TTC28: variants seen among roughly 807,000 people sequenced by gnomAD.
The protein encoded by TTC28 is tetratricopeptide repeat domain 28.
TTC28 carries 61 observed loss-of-function variants against 198.0 expected under a neutral mutation model. The observed-to-expected ratio is 0.31, with a 90% CI of 0.25 to 0.38. The LOEUF is 0.38. Ranked by LOEUF, TTC28 falls within the 10% of genes least tolerant of loss-of-function variation. The probability of loss-of-function intolerance (pLI) is 1.00; values close to 1 mark genes in which losing one functional copy is unlikely to be tolerated. For missense variants in TTC28, 2,678 were observed against 3,164.0 expected (o/e 0.85, Z 3.69); for synonymous variants, 1,171 against 1,297.8 (o/e 0.90, Z 2.10).
intron 2 of TTC28, among the ~76,000 whole-genome samples, chr22:28,311,419 C>T (rs1012502315): frequency 2.0e-5 from 3 of 152,162 alleles, no homozygotes; most frequent in African/African-American, 7.2e-5. Context: ...TGTATGTATA[C>T]AAAACAACTT....
chr22:28,339,901 C>A (rs11913617), intron 2 of TTC28, among the ~76,000 whole-genome samples: 24 of 152,276 alleles, frequency 1.6e-4, no homozygotes, highest in African/African-American at 5.8e-4. Flanking sequence ...CACTGTCCTG[C>A]ACCCACTGTC....
chr22:28,387,189 C>T (rs2046620327), intron 2 of TTC28, among the ~76,000 whole-genome samples: 1 of 152,324 alleles, frequency 6.6e-6, no homozygotes, highest in East Asian at 1.9e-4. Context: ...TTTTTTATGG[C>T]TGCATAGTAT....
rs560172443 is a variant in TTC28, at chr22:28,025,610, G to A, written c.4073+4616C>T. On this transcript the variant is annotated intron_variant, in intron 13 of 22. Transcript: ENST00000397906. ...AAAAAACCACAGCCTGGCCAGGTAC[G>A]GAGACTCACAAGGATCCCAGCATTT... Among the ~76,000 whole-genome samples, 12 of 152,310 alleles carry A rather than the reference G, an allele frequency of 7.9e-5. 1 individual carries two copies. The South Asian group carries it at 2.3e-3, about 29-fold the overall frequency.
intron 6 of TTC28, among the ~76,000 whole-genome samples, chr22:28,161,525 G>A (rs1000307473): frequency 2.0e-5 from 3 of 152,054 alleles, no homozygotes; most frequent in Admixed American, 2.0e-4. Context: ...GGCATGCACT[G>A]CATCTATGGT....
At chr22:28,149,453 A>C (rs1286864533) in intron 6 of TTC28, among the ~76,000 whole-genome samples, 3 of 152,274 alleles carry the variant, frequency 2.0e-5, no homozygotes, top group Non-Finnish European at 1.5e-5. Context: ...ACTTAAGACA[A>C]TATGGATGAA....
At chr22:28,657,211 A>G (rs1015267036) in intron 1 of TTC28, among the ~76,000 whole-genome samples, 9 of 152,200 alleles carry the variant, frequency 5.9e-5, no homozygotes, top group African/African-American at 1.9e-4. Context: ...CTAGGGAGTC[A>G]GACTCCAGAG....
At chr22:28,255,508 C>G (rs745974415) in intron 5 of TTC28, among the ~76,000 whole-genome samples, 8 of 151,958 alleles carry the variant, frequency 5.3e-5, no homozygotes, top group Admixed American at 3.3e-4. Flanking sequence ...GTGGTAAAAC[C>G]CTGTCTCTGC....
intron 13 of TTC28, 30 bp downstream of exon 13, chr22:28,030,196 C>CT: frequency 1.3e-6 from 2 of 1,550,714 alleles, no homozygotes; most frequent in Non-Finnish European, 1.7e-6. Flanking sequence ...CTGCCCTGCA[C>CT]TGGGCCTGGG....
intron 6 of TTC28, among the ~76,000 whole-genome samples, chr22:28,109,754 C>G (rs936830954): frequency 2.0e-5 from 3 of 152,216 alleles, no homozygotes; most frequent in African/African-American, 7.2e-5. Context: ...TGGAGAGAAG[C>G]TAGTATGCAA....
intron 12 of TTC28, among the ~76,000 whole-genome samples, chr22:28,072,445 A>G (rs963435630): frequency 2.0e-5 from 3 of 152,158 alleles, no homozygotes; most frequent in African/African-American, 7.2e-5. Context: ...ACTAAGTTCA[A>G]TTGTCCATCT....
chr22:28,014,161 G>T, intron 14 of TTC28, 87 bp downstream of exon 14: 4 of 1,420,726 alleles, frequency 2.8e-6, no homozygotes, highest in Non-Finnish European at 3.7e-6. Context: ...AGCCCATTTT[G>T]GTGTCTAAGA....
In TTC28 at chr22:28,380,613, T is replaced by C. The variant is rs148319008; in HGVS notation, c.382-73970A>G. The stretch of plus-strand genomic sequence containing the variant: ...TAATAATTTTCTGGATCAATTTCCA[T>C]AAGAAAAAAGCATGTTTTTTCTTCT... On this transcript the variant is annotated intron_variant, in intron 2 of 22. Transcript: ENST00000397906. 1.1e-3 allele frequency among the ~76,000 whole-genome samples: 167 copies of C among 152,260 alleles called. 2 individuals are homozygous for C. The highest frequency in any genetic ancestry group is 3.6e-3 in the African/African-American group (151 of 41,564).
At chr22:28,352,312 C>CATATATAT (rs35793503) in intron 2 of TTC28, among the ~76,000 whole-genome samples, 52 of 142,768 alleles carry the variant, frequency 3.6e-4, no homozygotes, top group African/African-American at 1.1e-3. Flanking sequence ...GAGATATATA[C>CATATATAT]ATATATATAT....
At chr22:28,094,053 T>C in intron 12 of TTC28, 27 bp downstream of exon 12, 1 of 1,497,322 alleles carries the variant, frequency 6.7e-7, no homozygotes, top group Non-Finnish European at 8.9e-7. Context: ...TATCTGAAAA[T>C]GGACTTGGGG....
At chr22:28,204,706 A>T (rs1926252545) in intron 5 of TTC28, among the ~76,000 whole-genome samples, 1 of 152,158 alleles carries the variant, frequency 6.6e-6, no homozygotes, top group African/African-American at 2.4e-5. Context: ...TTTGCCACAG[A>T]TTCCTAAGCC....
chr22:28,629,627 G>A lies in TTC28; in HGVS notation c.306C>T (p.Tyr102=). 1 of 1,551,678 alleles carries A rather than the reference G, an allele frequency of 6.4e-7. No individual in the cohort carries two copies. Among genetic ancestry groups the A allele is most frequent in the South Asian group, 1.2e-5 (1 of 84,060 alleles). ...CILYSNRSAA[Y]MKIQQYDKAL... ...CCTTGTCATACTGCTGGATTTTCATGTAGGCTGCAGATCTATTGCTGTATA... is the reference window on the plus strand; with the variant it reads ...CCTTGTCATACTGCTGGATTTTCATATAGGCTGCAGATCTATTGCTGTATA... Residue 102 remains tyrosine, a synonymous_variant, in exon 2 of 23, where the codon TAC becomes TAT. Transcript: ENST00000397906.
intron 2 of TTC28, among the ~76,000 whole-genome samples, chr22:28,611,506 T>A (rs1218714132): frequency 1.2e-4 from 7 of 60,094 alleles, no homozygotes; most frequent in Non-Finnish European, 1.8e-4. Flanking sequence ...TTTTTTTTAA[T>A]TTTTTTTTTT....
intron 2 of TTC28, among the ~76,000 whole-genome samples, chr22:28,465,890 T>C (rs1043467729): frequency 6.6e-6 from 1 of 152,170 alleles, no homozygotes; most frequent in African/African-American, 2.4e-5. Flanking sequence ...GTCATATCCA[T>C]ATTCCAACCA....
rs184698154 is a variant in TTC28, at chr22:28,390,149, T to G, written c.382-83506A>C. ...TTGTTCAGTTTCCATGTAGTTGAGC[T>G]GTTTTGAGTGAGAATCTTAACCCTG... is the stretch of plus-strand genomic sequence containing the variant. On this transcript the variant is annotated intron_variant, in intron 2 of 22. Coordinates refer to ENST00000397906, the MANE Select transcript of TTC28 (RefSeq NM_001145418.2). Among the ~76,000 whole-genome samples, 481 of 152,298 alleles carry G rather than the reference T, an allele frequency of 3.2e-3. 2 individuals are homozygous for G. Among genetic ancestry groups the G allele is most frequent in the African/African-American group, 7.7e-3 (318 of 41,560 alleles).
Sources: allele counts gnomAD v4.1 joint callset (sites outside exome capture counted in the v4.1 genomes callset), GRCh38; gene constraint gnomAD v4.1.1; transcripts MANE v1.5; gene names NCBI Gene and HGNC (gene_info 2026-07-23, HGNC 2026-07-21).